Variants in NME7 observed in about 807,000 individuals in gnomAD.
NME7 encodes nucleoside diphosphate kinase 7.
In NME7, 41 loss-of-function variants were observed where a neutral mutation model predicts 49.1. The observed-to-expected ratio is 0.83, with a 90% CI of 0.65 to 1.08. The LOEUF is 1.08. Among genes scored for constraint, NME7 ranks in the 50% least tolerant of loss-of-function variants. The pLI is 0.00. For missense variants in NME7, 423 were observed against 463.4 expected (o/e 0.91, Z 0.80); for synonymous variants, 139 against 150.6 (o/e 0.92, Z 0.56).
chr1:169,170,997 T>C (rs531298946), intron 10 of NME7, among the ~76,000 whole-genome samples: 1 of 152,312 alleles, frequency 6.6e-6, no homozygotes, highest in East Asian at 1.9e-4. Flanking sequence ...ATGTAATTTA[T>C]GAAATTGTGA....
At chr1:169,192,203 T>C (rs1307466967) in intron 10 of NME7, among the ~76,000 whole-genome samples, 1 of 152,074 alleles carries the variant, frequency 6.6e-6, no homozygotes, top group African/African-American at 2.4e-5. Flanking sequence ...ATTAACGGCA[T>C]AGGAGTTTGA....
At chr1:169,256,374 C>T (rs1486254425) in intron 7 of NME7, among the ~76,000 whole-genome samples, 2 of 134,344 alleles carry the variant, frequency 1.5e-5, no homozygotes, top group African/African-American at 5.0e-5. Flanking sequence ...GAGGCTTCTG[C>T]GTTCTTCACG....
chr1:169,183,466 AT>A (rs1659978859), intron 10 of NME7, among the ~76,000 whole-genome samples: 1 of 152,234 alleles, frequency 6.6e-6, no homozygotes, highest in African/African-American at 2.4e-5. Flanking sequence ...TCTGTTCACT[AT>A]AGTTGCAAGT....
rs1018422839 is a variant in NME7, at chr1:169,276,239, G to C, written c.754+11064C>G. On this transcript the variant is annotated intron_variant, in intron 7 of 11. Transcript: ENST00000367811. ...GGAGGATTCCCTCTTTTTTTATTCAGTGGAATAGTTTCAGAAGGAATGGTA... is the reference window on the plus strand; with the variant it reads ...GGAGGATTCCCTCTTTTTTTATTCACTGGAATAGTTTCAGAAGGAATGGTA... 1.5e-5 allele frequency among the ~76,000 whole-genome samples: 2 copies of C among 133,320 alleles called. 1 individual carries two copies. The highest frequency in any genetic ancestry group is 3.5e-5 in the Non-Finnish European group (2 of 56,696). 87.5% of individuals were successfully genotyped at this position (133,320 alleles called of 152,430 possible).
intron 3 of NME7, among the ~76,000 whole-genome samples, chr1:169,314,773 T>A (rs531182149): frequency 2.6e-5 from 4 of 150,950 alleles, no homozygotes; most frequent in Non-Finnish European, 5.9e-5. Flanking sequence ...AAAAAAGATA[T>A]AAAAAACAAA....
At chr1:169,235,366 A>T (rs1386372218) in intron 8 of NME7, among the ~76,000 whole-genome samples, 167 bp from the exon 9 acceptor site, 1 of 152,114 alleles carries the variant, frequency 6.6e-6, no homozygotes, top group Admixed American at 6.6e-5. Flanking sequence ...CAACTCATCA[A>T]GAATAATAAT....
At position 169,275,796 on chromosome 1, in the gene NME7, C is replaced by T. The variant is rs1649694130; in HGVS notation, c.754+11507G>A. On this transcript the variant is annotated intron_variant, in intron 7 of 11. Coordinates refer to ENST00000367811, the MANE Select transcript of NME7 (RefSeq NM_013330.5). The stretch of plus-strand genomic sequence containing the variant: ...AAATGGAATGCTTCCAGTTTTTGCC[C>T]ATTCAGTGTGATACTGGCTGTGGGT... Among the ~76,000 whole-genome samples, 3 of 133,314 alleles carry T rather than the reference C, an allele frequency of 2.3e-5. 1 individual carries two copies. The South Asian group carries it at 6.9e-4, about 31-fold the overall frequency. The allele number at this position is 133,314 out of a possible 152,430, so 87.5% of individuals were successfully genotyped here.
chr1:169,367,759 ACACCAC>A lies in NME7; in HGVS notation c.-55_-50del. The A allele has an allele frequency of 6.2e-7, 1 of 1,612,194 alleles. No individual in the cohort carries two copies. The highest frequency in any genetic ancestry group is 8.5e-7 in the Non-Finnish European group (1 of 1,178,526). On this transcript the variant is annotated 5_prime_UTR_variant, in exon 1 of 12. Transcript: ENST00000367811. Reference sequence around the variant, plus strand: ...AAATAGGTATCGTTGAGACAGGAAGACACCACCACCACCACCATCATACGGTTACTC... The same window carrying A: ...AAATAGGTATCGTTGAGACAGGAAGACACCACCACCATCATACGGTTACTC...
intron 3 of NME7, among the ~76,000 whole-genome samples, chr1:169,321,115 TA>T (rs1651837704): frequency 6.6e-6 from 1 of 152,232 alleles, no homozygotes; most frequent in African/African-American, 2.4e-5. Flanking sequence ...CCTGACTCCC[TA>T]ACTCACTTAT....
At chr1:169,192,566 T>C (rs1660264051) in intron 10 of NME7, among the ~76,000 whole-genome samples, 1 of 152,002 alleles carries the variant, frequency 6.6e-6, no homozygotes, top group African/African-American at 2.4e-5. Context: ...CTGGAACCAA[T>C]CTCCCTCAAA....
At chr1:169,280,675 C>A (rs1649971386) in intron 7 of NME7, among the ~76,000 whole-genome samples, 1 of 147,732 alleles carries the variant, frequency 6.8e-6, no homozygotes, top group Non-Finnish European at 1.5e-5. Context: ...CTGCATATGG[C>A]TAGCCAGTTT....
intron 7 of NME7, among the ~76,000 whole-genome samples, chr1:169,261,733 T>C (rs1346074093): frequency 7.5e-6 from 1 of 133,814 alleles, no homozygotes; most frequent in African/African-American, 2.5e-5. Flanking sequence ...GCTCTTGTAC[T>C]GGGTGTTTAT....
chr1:169,227,474 G>A (rs568010853), intron 10 of NME7, among the ~76,000 whole-genome samples: 1 of 152,244 alleles, frequency 6.6e-6, no homozygotes, highest in Middle Eastern at 3.4e-3. Flanking sequence ...TATTTCTGCT[G>A]GGTGAGAGCA....
At chr1:169,281,345 G>A (rs12045803) in intron 7 of NME7, among the ~76,000 whole-genome samples, 12,610 of 152,172 alleles carry the variant, frequency 0.083, 710 homozygotes, top group Admixed American at 0.19. Flanking sequence ...GCATAAGGAG[G>A]TTTTGGGCTA....
At chr1:169,168,272 T>C (rs1200708935) in intron 11 of NME7, among the ~76,000 whole-genome samples, 2 of 152,202 alleles carry the variant, frequency 1.3e-5, no homozygotes, top group Non-Finnish European at 2.9e-5. Context: ...TAAGTAAACT[T>C]TCACTCCTGC....
intron 11 of NME7, among the ~76,000 whole-genome samples, chr1:169,163,751 A>C: frequency 6.6e-6 from 1 of 152,152 alleles, no homozygotes; most frequent in East Asian, 1.9e-4. Context: ...CTTACTCTCA[A>C]ATGTTCATAA....
chr1:169,254,511 C>A (rs1571330339), intron 7 of NME7, among the ~76,000 whole-genome samples: 2 of 151,814 alleles, frequency 1.3e-5, no homozygotes, highest in African/African-American at 4.8e-5. Flanking sequence ...TTTCAAAAAA[C>A]CAGCTCCTGG....
chr1:169,241,264 T>A (rs568305752), intron 7 of NME7, among the ~76,000 whole-genome samples: 40 of 152,228 alleles, frequency 2.6e-4, no homozygotes, highest in Non-Finnish European at 4.6e-4. Flanking sequence ...TGCAGATGCA[T>A]GATGGTTAAA....
At chr1:169,298,430 G>A (rs1650797075) in intron 6 of NME7, 126 bp downstream of exon 6, 12 of 912,346 alleles carry the variant, frequency 1.3e-5, no homozygotes, top group Non-Finnish European at 1.7e-5. Flanking sequence ...GATGTCAAAG[G>A]TTTTCTCTAC....
Sources: allele counts gnomAD v4.1 joint callset (sites outside exome capture counted in the v4.1 genomes callset), GRCh38; gene constraint gnomAD v4.1.1; transcripts MANE v1.5; gene names NCBI Gene and HGNC (gene_info 2026-07-23, HGNC 2026-07-21).